EVA1A: variants seen among roughly 807,000 people sequenced by gnomAD.
EVA1A encodes eva-1 homolog A, regulator of programmed cell death, also known as protein eva-1 homolog A.
EVA1A carries 7 observed loss-of-function variants against 9.8 expected under a neutral mutation model. The observed-to-expected ratio is 0.71, with a 90% CI of 0.41 to 1.34. EVA1A has a LOEUF of 1.34. Ranked by LOEUF, EVA1A falls within the 40% of genes most tolerant of loss-of-function variation. The pLI is 0.01. For missense variants in EVA1A, 206 were observed against 205.9 expected (o/e 1.00, Z 0.00); for synonymous variants, 90 against 85.6 (o/e 1.05, Z -0.28).
chr2:75,528,634 C>G (rs992309832), intron 1 of EVA1A, among the ~76,000 whole-genome samples: 6 of 152,158 alleles, frequency 3.9e-5, no homozygotes, highest in African/African-American at 1.4e-4. Context: ...CAAGAAGAGT[C>G]TGAGCTCAGA....
chr2:75,496,630 C>T (rs545224606), intron 3 of EVA1A, among the ~76,000 whole-genome samples: 1 of 152,168 alleles, frequency 6.6e-6, no homozygotes, highest in Non-Finnish European at 1.5e-5. Flanking sequence ...AGATTCAATG[C>T]TATTCCTATC....
intron 1 of EVA1A, among the ~76,000 whole-genome samples, chr2:75,543,701 C>T (rs1028227602): frequency 3.3e-5 from 5 of 152,126 alleles, no homozygotes; most frequent in Non-Finnish European, 1.5e-5. Flanking sequence ...CCTAATCATT[C>T]CTCACCAGGG....
intron 3 of EVA1A, among the ~76,000 whole-genome samples, chr2:75,505,492 A>G (rs1674583909): frequency 6.6e-6 from 1 of 152,222 alleles, no homozygotes; most frequent in Non-Finnish European, 1.5e-5. Context: ...TGTTATATGT[A>G]AATACATATG....
intron 1 of EVA1A, among the ~76,000 whole-genome samples, chr2:75,549,511 C>G (rs549012308): frequency 6.6e-6 from 1 of 152,146 alleles, no homozygotes; most frequent in East Asian, 1.9e-4. Context: ...CTGCACATGC[C>G]CACATCCAGG....
intron 1 of EVA1A, among the ~76,000 whole-genome samples, chr2:75,522,847 G>A (rs1675281372): frequency 6.6e-6 from 1 of 152,212 alleles, no homozygotes; most frequent in Non-Finnish European, 1.5e-5. Context: ...AGCCTCTCTG[G>A]AACAGGAAGG....
At chr2:75,507,695 GC>G (rs1328059568) in intron 3 of EVA1A, among the ~76,000 whole-genome samples, 1 of 152,136 alleles carries the variant, frequency 6.6e-6, no homozygotes, top group African/African-American at 2.4e-5. Context: ...CATCCAGACA[GC>G]CCAAAACGGC....
intron 1 of EVA1A, among the ~76,000 whole-genome samples, chr2:75,553,229 C>G (rs1381907785): frequency 6.6e-6 from 1 of 152,208 alleles, no homozygotes; most frequent in Non-Finnish European, 1.5e-5. Flanking sequence ...CTTGGACTCA[C>G]CTGCTCTCCA....
At chr2:75,517,063 G>A (rs1171836021) in intron 3 of EVA1A, among the ~76,000 whole-genome samples, 1 of 152,058 alleles carries the variant, frequency 6.6e-6, no homozygotes, top group Non-Finnish European at 1.5e-5. Flanking sequence ...ACAAGACCCT[G>A]AGCAGTCCTT....
chr2:75,546,907 CAAA>C (rs751386318), intron 1 of EVA1A, among the ~76,000 whole-genome samples: 3 of 66,838 alleles, frequency 4.5e-5, no homozygotes, highest in Admixed American at 1.7e-4. Context: ...ATCAATAGGC[CAAA>C]AAAAAAAAAA....
chr2:75,543,357 C>A (rs1558689075), intron 1 of EVA1A, among the ~76,000 whole-genome samples: 2 of 152,134 alleles, frequency 1.3e-5, no homozygotes, highest in South Asian at 4.2e-4. Flanking sequence ...TAACGCCTGA[C>A]CAAGGAACAC....
rs749655008 is a variant in EVA1A at position 75,518,148 on chromosome 2, C to A, written c.-8G>T. On this transcript the variant is annotated 5_prime_UTR_variant, in exon 3 of 4. Transcript: ENST00000393913. ...GCTGAGGGGCAGCCTCATGGGACAT[C>A]CAGAGGGGACCTCCTGGAGGTGCTT... The A allele has an allele frequency of 3.7e-6, 6 of 1,613,120 alleles. No individual in the cohort carries two copies. In the Admixed American group the frequency reaches 1.0e-4, roughly 27 times the overall value.
Position 75,513,107 on chromosome 2 carries a change from C to T in EVA1A, c.85+4949G>A, listed in dbSNP as rs113248211. Reference sequence around the variant, plus strand: ...TTTGGCAGCCATGAGATGACAAACACAGAAAAAAGGCTTTGAGAATCACAG... The same window carrying T: ...TTTGGCAGCCATGAGATGACAAACATAGAAAAAAGGCTTTGAGAATCACAG... On this transcript the variant is annotated intron_variant, in intron 3 of 3. Coordinates refer to ENST00000393913, the MANE Select transcript of EVA1A (RefSeq NM_001135032.2). Among the ~76,000 whole-genome samples, 487 of 152,128 alleles carry T rather than the reference C, an allele frequency of 3.2e-3. 2 individuals carry two copies. The highest frequency in any genetic ancestry group is 0.011 in the African/African-American group (458 of 41,510).
At chr2:75,538,465 T>A (rs1675996321) in intron 1 of EVA1A, among the ~76,000 whole-genome samples, 1 of 152,228 alleles carries the variant, frequency 6.6e-6, no homozygotes, top group Non-Finnish European at 1.5e-5. Flanking sequence ...TGCACCACAT[T>A]AATGAAGTTT....
At chr2:75,523,428 G>A (rs144409522) in intron 1 of EVA1A, among the ~76,000 whole-genome samples, 1 of 152,332 alleles carries the variant, frequency 6.6e-6, no homozygotes, top group Admixed American at 6.5e-5. Flanking sequence ...CAGGGAGTCT[G>A]AAGAGCAAAA....
At chr2:75,562,651 T>C (rs1383165562), upstream of EVA1A, among the ~76,000 whole-genome samples, 1 of 152,176 alleles carries the variant, frequency 6.6e-6, no homozygotes, top group African/African-American at 2.4e-5. Context: ...AAAGAATACA[T>C]ACTTGCCTGA....
intron 1 of EVA1A, among the ~76,000 whole-genome samples, chr2:75,538,104 A>G (rs1352430845): frequency 6.6e-6 from 1 of 152,148 alleles, no homozygotes; most frequent in Non-Finnish European, 1.5e-5. Context: ...AGCCTGACCA[A>G]TATGGTGAAA....
At chr2:75,531,936 G>A (rs1208609161) in intron 1 of EVA1A, among the ~76,000 whole-genome samples, 1 of 152,160 alleles carries the variant, frequency 6.6e-6, no homozygotes. Context: ...AAGGCGGGCA[G>A]ATCACGAGGT....
At chr2:75,537,203 G>A (rs1425294759) in intron 1 of EVA1A, among the ~76,000 whole-genome samples, 1 of 152,008 alleles carries the variant, frequency 6.6e-6, no homozygotes, top group African/African-American at 2.4e-5. Context: ...TTAGTAATAG[G>A]CTAAAGAAAA....
chr2:75,511,342 T>C (rs1427856419), intron 3 of EVA1A, among the ~76,000 whole-genome samples: 2 of 152,242 alleles, frequency 1.3e-5, no homozygotes, highest in African/African-American at 4.8e-5. Flanking sequence ...ATTGCAGCTC[T>C]GTTTGTTGCT....
Sources: allele counts gnomAD v4.1 joint callset (sites outside exome capture counted in the v4.1 genomes callset), GRCh38; gene constraint gnomAD v4.1.1; transcripts MANE v1.5; gene names NCBI Gene and HGNC (gene_info 2026-07-23, HGNC 2026-07-21).